SLC14A2: variants seen among roughly 807,000 people sequenced by gnomAD.
The protein encoded by SLC14A2 is solute carrier family 14 member 2.
A neutral mutation model predicts 104.6 loss-of-function variants in SLC14A2; 91 were observed. That is an observed-to-expected ratio of 0.87 (90% CI 0.73 to 1.04). The LOEUF (loss-of-function observed/expected upper bound fraction) is 1.04. Among genes scored for constraint, SLC14A2 ranks in the 50% least tolerant of loss-of-function variants. The pLI is 0.00. For missense variants in SLC14A2, 1,189 were observed against 1,156.0 expected, an observed-to-expected ratio of 1.03 and a Z score of -0.41; for synonymous variants, 476 against 466.4, an observed-to-expected ratio of 1.02 and a Z score of -0.27.
At chr18:45,511,634 G>A (rs542153216) in intron 2 of SLC14A2, among the ~76,000 whole-genome samples, 1 of 152,188 alleles carries the variant, frequency 6.6e-6, no homozygotes, top group Non-Finnish European at 1.5e-5. Flanking sequence ...CCATAACCAG[G>A]AAAAGCTTGC....
chr18:45,310,086 A>G (rs1437295985), intron 1 of SLC14A2, among the ~76,000 whole-genome samples: 1 of 152,100 alleles, frequency 6.6e-6, no homozygotes, highest in Admixed American at 6.5e-5. Context: ...GTCAATGGAT[A>G]TATCATTTAT....
At chr18:45,343,409 C>A (rs1445747523) in intron 1 of SLC14A2, among the ~76,000 whole-genome samples, 2 of 151,968 alleles carry the variant, frequency 1.3e-5, no homozygotes, top group African/African-American at 2.4e-5. Flanking sequence ...TTGAATGCTC[C>A]CATGACAGTC....
intron 1 of SLC14A2, among the ~76,000 whole-genome samples, chr18:45,356,296 T>C (rs1166287425): frequency 1.3e-5 from 2 of 152,206 alleles, no homozygotes; most frequent in South Asian, 2.1e-4. Context: ...AATGAGATCA[T>C]GGATATAGAA....
intron 1 of SLC14A2, among the ~76,000 whole-genome samples, chr18:45,445,820 T>C (rs1446535169): frequency 6.6e-6 from 1 of 152,190 alleles, no homozygotes; most frequent in Non-Finnish European, 1.5e-5. Context: ...TAACCTGTAG[T>C]GTGCCTAAAA....
chr18:45,568,044 A>T (rs1044829343), intron 2 of SLC14A2, among the ~76,000 whole-genome samples: 1 of 152,122 alleles, frequency 6.6e-6, no homozygotes, highest in African/African-American at 2.4e-5. Flanking sequence ...AGCTGTCCTG[A>T]TCCCCTCATT....
At chr18:45,415,713 G>A (rs952540552) in intron 1 of SLC14A2, among the ~76,000 whole-genome samples, 4 of 152,140 alleles carry the variant, frequency 2.6e-5, no homozygotes, top group Non-Finnish European at 1.5e-5. Flanking sequence ...TGGTTTAATA[G>A]GCTGCCCTTA....
chr18:45,185,824 A>G, the SLC14A2 span, among the ~76,000 whole-genome samples: 1 of 152,230 alleles, frequency 6.6e-6, no homozygotes, highest in African/African-American at 2.4e-5. Context: ...ACAAAAATCA[A>G]CTGCATTTCT....
At chr18:45,557,998 C>G (rs1187751796) in intron 2 of SLC14A2, among the ~76,000 whole-genome samples, 1 of 152,178 alleles carries the variant, frequency 6.6e-6, no homozygotes, top group Non-Finnish European at 1.5e-5. Context: ...TCAGAAACCA[C>G]TTCAGGTATA....
chr18:45,275,541 G>C (rs904926468), intron 1 of SLC14A2, among the ~76,000 whole-genome samples: 7 of 152,160 alleles, frequency 4.6e-5, no homozygotes, highest in Non-Finnish European at 8.8e-5. Flanking sequence ...GGAAGATAGC[G>C]GTTTCCTCTT....
chr18:45,354,214 G>A (rs919879484), intron 1 of SLC14A2, among the ~76,000 whole-genome samples: 1 of 152,194 alleles, frequency 6.6e-6, no homozygotes, highest in Non-Finnish European at 1.5e-5. Flanking sequence ...CTAAGCTATT[G>A]ATGTTCCCGG....
At chr18:45,202,475 G>A in the SLC14A2 span, among the ~76,000 whole-genome samples, 4 of 152,140 alleles carry the variant, frequency 2.6e-5, no homozygotes, top group Non-Finnish European at 5.9e-5. Flanking sequence ...GCAAATATAT[G>A]CAAGTCGTTC....
Position 45,682,622 on chromosome 18 carries a change from ACT to A in SLC14A2, c.*109_*110del. 1 of 903,252 alleles carries A rather than the reference ACT, an allele frequency of 1.1e-6. No homozygotes were observed. Among genetic ancestry groups the A allele is most frequent in the Non-Finnish European group, 1.8e-6 (1 of 548,142 alleles). The allele number at this position is 903,252 out of a possible 1,614,324, so 56.0% of individuals were successfully genotyped here. On this transcript the variant is annotated 3_prime_UTR_variant, in exon 20 of 20. Transcript: ENST00000255226. ...AGCCTTCCCTTTGGTCTGTTCTGTG[ACT>A]CTCTCCCCAAACACAAAGAAGCGTG...
At chr18:45,510,407 G>C (rs780561957) in intron 2 of SLC14A2, among the ~76,000 whole-genome samples, 7 of 152,080 alleles carry the variant, frequency 4.6e-5, no homozygotes, top group Non-Finnish European at 1.0e-4. Flanking sequence ...TAGAACAAAA[G>C]ACCAGGCTCT....
intron 2 of SLC14A2, chr18:45,529,802 G>A (rs1286074578): frequency 6.6e-6 from 1 of 152,116 alleles, no homozygotes; most frequent in Non-Finnish European, 1.5e-5. Flanking sequence ...CCCTTTGGTG[G>A]GGGGCTATCT....
chr18:45,176,246 A>C, the SLC14A2 span, among the ~76,000 whole-genome samples: 1 of 152,186 alleles, frequency 6.6e-6, no homozygotes, highest in Non-Finnish European at 1.5e-5. Flanking sequence ...TCACAACCAC[A>C]ATATGTGATA....
chr18:45,439,669 A>C (rs2086652237), intron 1 of SLC14A2, among the ~76,000 whole-genome samples: 1 of 152,200 alleles, frequency 6.6e-6, no homozygotes, highest in Admixed American at 6.5e-5. Context: ...TGCTGCACTA[A>C]GGAAAAACAC....
chr18:45,546,433 A>T (rs981180455), intron 2 of SLC14A2, among the ~76,000 whole-genome samples: 1 of 152,238 alleles, frequency 6.6e-6, no homozygotes, highest in Non-Finnish European at 1.5e-5. Context: ...ATGCAAACGA[A>T]ATTGAATCTC....
upstream of SLC14A2, among the ~76,000 whole-genome samples, chr18:45,210,453 C>T (rs528168798): frequency 1.3e-5 from 2 of 152,268 alleles, no homozygotes; most frequent in African/African-American, 4.8e-5. Flanking sequence ...GGGGTGTGCA[C>T]CTGTAGTTCC....
chr18:45,294,789 A>G (rs1245020065), intron 1 of SLC14A2, among the ~76,000 whole-genome samples: 2 of 152,170 alleles, frequency 1.3e-5, no homozygotes, highest in Non-Finnish European at 2.9e-5. Flanking sequence ...ATTTAACTAC[A>G]TTTTCAAGCT....
Sources: allele counts gnomAD v4.1 joint callset (sites outside exome capture counted in the v4.1 genomes callset), GRCh38; gene constraint gnomAD v4.1.1; transcripts MANE v1.5; gene names NCBI Gene and HGNC (gene_info 2026-07-23, HGNC 2026-07-21).